Variants in SMYD4 observed in about 807,000 individuals in gnomAD.
The protein encoded by SMYD4 is protein-lysine N-methyltransferase SMYD4.
In SMYD4, 68 loss-of-function variants were observed where a neutral mutation model predicts 72.8. The ratio of observed to expected loss-of-function variants is 0.93; its 90% CI spans 0.77 to 1.14. SMYD4 has a LOEUF of 1.14. Ranked by LOEUF, SMYD4 falls within the 50% of genes most tolerant of loss-of-function variation. SMYD4 has a pLI of 0.00. For missense variants in SMYD4, 984 were observed against 1,003.7 expected (o/e 0.98, Z 0.27); for synonymous variants, 407 against 388.6 (o/e 1.05, Z -0.56).
At chr17:1,791,481 A>T (rs1321674664) in intron 5 of SMYD4, among the ~76,000 whole-genome samples, 1 of 152,186 alleles carries the variant, frequency 6.6e-6, no homozygotes, top group African/African-American at 2.4e-5. Flanking sequence ...GCTGCTAATG[A>T]AATTCAATGA....
intron 2 of SMYD4, among the ~76,000 whole-genome samples, chr17:1,826,354 T>C (rs2151257621): frequency 1.3e-5 from 2 of 151,976 alleles, no homozygotes; most frequent in Middle Eastern, 3.4e-3. Flanking sequence ...TAGCCGGGTA[T>C]GGTGGAATGC....
intron 2 of SMYD4, among the ~76,000 whole-genome samples, chr17:1,823,704 C>G (rs1911013462): frequency 6.6e-6 from 1 of 152,194 alleles, no homozygotes; most frequent in African/African-American, 2.4e-5. Flanking sequence ...TCAGAGGAGT[C>G]TCATACCTCT....
intron 2 of SMYD4, among the ~76,000 whole-genome samples, chr17:1,825,160 A>G (rs1371369992): frequency 6.6e-6 from 1 of 152,162 alleles, no homozygotes; most frequent in Non-Finnish European, 1.5e-5. Flanking sequence ...TTTAATTTTA[A>G]TAACTGAGGC....
At position 1,787,534 on chromosome 17, in the gene SMYD4, G is replaced by A; in HGVS notation, c.1608C>T (p.Ser536=). The stretch of plus-strand genomic sequence containing the variant: ...TGGGGCTACAGGAGTGGTTCAGGAG[G>A]CTGATAACAGGGAAGATGCCTGTGG... ...RLATGIFPVI[S]LLNHSCSPNT... is the part of the protein sequence containing the mutation. The change falls in exon 6 of 11, where the codon AGC becomes AGT. Residue 536 remains serine (S), a synonymous_variant. Coordinates refer to ENST00000305513, the MANE Select transcript of SMYD4 (RefSeq NM_052928.3). The A allele has an allele frequency of 6.3e-7, 1 of 1,593,810 alleles. No homozygotes were observed. Among genetic ancestry groups the A allele is most frequent in the African/African-American group, 1.3e-5 (1 of 74,750 alleles).
chr17:1,823,151 A>G (rs1429313391), intron 2 of SMYD4, among the ~76,000 whole-genome samples: 1 of 151,248 alleles, frequency 6.6e-6, no homozygotes, highest in African/African-American at 2.4e-5. Flanking sequence ...CGGGTGGATC[A>G]TGAGGTCAGG....
chr17:1,820,957 T>A (rs993486831), intron 2 of SMYD4, among the ~76,000 whole-genome samples: 1 of 152,208 alleles, frequency 6.6e-6, no homozygotes, highest in South Asian at 2.1e-4. Context: ...GAATTACAAA[T>A]AGCTCTTTGA....
chr17:1,783,500 C>T, intron 8 of SMYD4, 24 bp from the exon 9 acceptor site: 2 of 1,582,600 alleles, frequency 1.3e-6, no homozygotes, highest in South Asian at 2.3e-5. Flanking sequence ...GGAAAGACGT[C>T]TCACTATAGA....
At chr17:1,788,116 C>T (rs1908804348) in intron 5 of SMYD4, among the ~76,000 whole-genome samples, 3 of 151,994 alleles carry the variant, frequency 2.0e-5, no homozygotes, top group South Asian at 2.1e-4. Context: ...CCGAGGCTCA[C>T]GCAGAAGAAT....
rs759039129 is a variant in SMYD4, at chr17:1,800,444, T to C, written c.950A>G (p.Tyr317Cys). The change falls in exon 5 of 11, where the codon TAT becomes TGT. Residue 317 changes from tyrosine to cysteine, a missense_variant. Coordinates refer to ENST00000305513, the MANE Select transcript of SMYD4 (RefSeq NM_052928.3). ...VPCDGCSYAK[Y>C]CSQECLQQAW... Reference sequence around the variant, plus strand: ...CTGCTGCAAACACTCCTGGCTGCAATACTTGGCATAACTGCATCCGTCACA... The same window carrying C: ...CTGCTGCAAACACTCCTGGCTGCAACACTTGGCATAACTGCATCCGTCACA... 5 of 1,614,056 alleles carry C rather than the reference T, an allele frequency of 3.1e-6. No homozygotes were observed. The South Asian group carries it at 4.4e-5, about 14-fold the overall frequency.
At chr17:1,805,993 G>A (rs1910012753) in intron 3 of SMYD4, among the ~76,000 whole-genome samples, 1 of 146,846 alleles carries the variant, frequency 6.8e-6, no homozygotes, top group Admixed American at 6.9e-5. Flanking sequence ...GCTCGATCTC[G>A]GCTCACTGCA....
At chr17:1,826,491 C>CAAAAAAA (rs111636314) in intron 2 of SMYD4, among the ~76,000 whole-genome samples, 14 of 103,106 alleles carry the variant, frequency 1.4e-4, no homozygotes, top group African/African-American at 1.9e-4. Context: ...AAACTCTGTC[C>CAAAAAAA]AAAAAAAAAA....
At chr17:1,816,742 CGCACACTAT>C (rs978375560) in intron 2 of SMYD4, among the ~76,000 whole-genome samples, 1 of 151,854 alleles carries the variant, frequency 6.6e-6, no homozygotes, top group African/African-American at 2.4e-5. Flanking sequence ...GCACAATGAT[CGCACACTAT>C]GGCCTTTTTG....
chr17:1,810,575 G>C (rs1189226585), intron 3 of SMYD4, among the ~76,000 whole-genome samples: 4 of 152,178 alleles, frequency 2.6e-5, no homozygotes, highest in African/African-American at 4.8e-5. Flanking sequence ...GGGGGGCAGG[G>C]AACTGCTGTG....
chr17:1,810,711 C>T (rs542730557), intron 3 of SMYD4, among the ~76,000 whole-genome samples: 8 of 152,366 alleles, frequency 5.3e-5, no homozygotes, highest in African/African-American at 1.4e-4. Context: ...TGGTTTGCCA[C>T]GCCCCCCAGC....
intron 5 of SMYD4, among the ~76,000 whole-genome samples, chr17:1,796,299 G>GTTTTTT (rs35650939): frequency 0.012 from 1,321 of 109,496 alleles, 77 homozygotes; most frequent in Non-Finnish European, 0.015. Flanking sequence ...ATGCCTGGCT[G>GTTTTTT]TTTTTTTTTT....
intron 6 of SMYD4, 101 bp downstream of exon 6, chr17:1,787,321 C>G (rs1597367981): frequency 3.5e-6 from 5 of 1,429,362 alleles, no homozygotes; most frequent in East Asian, 2.5e-5. Context: ...AGGAAGCAGA[C>G]AGTAGACAGG....
In SMYD4 at chr17:1,826,076, T is replaced by C. The variant is rs1180045893; in HGVS notation, c.134+1785A>G. 2.0e-5 allele frequency among the ~76,000 whole-genome samples: 3 copies of C among 151,960 alleles called. No homozygotes were observed. In the East Asian group the frequency reaches 5.8e-4, roughly 29 times the overall value. The stretch of plus-strand genomic sequence containing the variant: ...AATAATTTATACAACAAATAGTAAC[T>C]TACATAGCAAAGAACTATACAGCTA... On this transcript the variant is annotated intron_variant, in intron 2 of 10. Transcript: ENST00000305513.
At chr17:1,803,506 CTCTTT>C (rs1264681659) in intron 4 of SMYD4, among the ~76,000 whole-genome samples, 1 of 152,128 alleles carries the variant, frequency 6.6e-6, no homozygotes, top group Non-Finnish European at 1.5e-5. Context: ...TCTTTCCTTT[CTCTTT>C]TGAGACAGAG....
intron 3 of SMYD4, among the ~76,000 whole-genome samples, 171 bp from the exon 4 acceptor site, chr17:1,804,886 G>T (rs564371234): frequency 6.6e-6 from 1 of 152,310 alleles, no homozygotes; most frequent in South Asian, 2.1e-4. Flanking sequence ...GCTGTGAAGA[G>T]CAAGTGAGGA....
Sources: allele counts gnomAD v4.1 joint callset (sites outside exome capture counted in the v4.1 genomes callset), GRCh38; gene constraint gnomAD v4.1.1; transcripts MANE v1.5; gene names NCBI Gene and HGNC (gene_info 2026-07-23, HGNC 2026-07-21).